Variants in MYH7B observed in about 807,000 individuals in gnomAD.
The protein encoded by MYH7B is myosin heavy chain 7B, also known as myosin-7B.
Under a neutral mutation model 234.5 loss-of-function variants are expected in MYH7B, and 205 were observed. The ratio of observed to expected loss-of-function variants is 0.87; its 90% CI spans 0.78 to 0.98. The LOEUF (loss-of-function observed/expected upper bound fraction) is 0.98. MYH7B is among the 50% of genes least tolerant of loss of function. The pLI is 0.00. For missense variants in MYH7B, 2,652 were observed against 2,633.4 expected, an observed-to-expected ratio of 1.01 and a Z score of -0.15; for synonymous variants, 1,193 against 1,105.0, an observed-to-expected ratio of 1.08 and a Z score of -1.58.
At position 34,999,746 on chromosome 20, in the gene MYH7B, G is replaced by T. The variant is rs1043952449; in HGVS notation, c.4666-45G>T. ...TGGACACTGACCTGCTGCTCCACTG[G>T]CCATCCCCCCCCCCCACCCTACCCT... On this transcript the variant is annotated intron_variant, in intron 37 of 44. Transcript: ENST00000262873. 3.2e-6 allele frequency: 5 copies of T among 1,551,118 alleles called. No individual in the cohort carries two copies. In the East Asian group the frequency reaches 7.1e-5, roughly 22 times the overall value.
intron 2 of MYH7B, among the ~76,000 whole-genome samples, chr20:34,968,167 T>A (rs1003441862): frequency 1.3e-5 from 2 of 152,126 alleles, no homozygotes; most frequent in African/African-American, 4.8e-5. Context: ...GTTACGTAAC[T>A]TGCCCAGGGT....
rs2082392735 is a variant in MYH7B, at chr20:35,001,825, A to G, written c.5677-123A>G. Reference sequence around the variant, plus strand: ...CCCGCTGTGGTATTGGTGAGGATGGACAGTGGCAATAGGAACAAAGTTGAG... The same window carrying G: ...CCCGCTGTGGTATTGGTGAGGATGGGCAGTGGCAATAGGAACAAAGTTGAG... On this transcript the variant is annotated intron_variant, in intron 43 of 44. Transcript: ENST00000262873. 5 of 1,422,984 alleles carry G rather than the reference A, an allele frequency of 3.5e-6. No individual in the cohort carries two copies. In the South Asian group the frequency reaches 6.8e-5, roughly 19 times the overall value. 88.1% of individuals were successfully genotyped at this position (1,422,984 alleles called of 1,614,324 possible).
chr20:34,988,174 A>AGCAGG lies in MYH7B; in HGVS notation c.1500_1504dup (p.Glu502GlyfsTer106). 6.2e-7 allele frequency: 1 copy of AGCAGG among 1,614,168 alleles called. No individual in the cohort carries two copies. Among genetic ancestry groups the AGCAGG allele is most frequent in the South Asian group, 1.1e-5 (1 of 91,078 alleles). On this transcript the variant is annotated frameshift_variant, in exon 19 of 45. Coordinates refer to ENST00000262873, the Ensembl canonical transcript of MYH7B. LOFTEE classifies it high-confidence loss of function. The stretch of plus-strand genomic sequence containing the variant: ...TTCAACCAGCACATGTTTGTGCTGG[A>AGCAGG]GCAGGAGGAGTACAAGCGGGAGGGC...
chr20:34,986,883 C>T lies in MYH7B; in HGVS notation c.905-3C>T. On this transcript the variant is annotated splice_region_variant and splice_polypyrimidine_tract_variant and intron_variant, in intron 14 of 44. Coordinates refer to ENST00000262873, the Ensembl canonical transcript of MYH7B. ...CCCTCCCTTCTCTGCCCTGTGTCCC[C>T]AGACATGCTGCTTCTGTCTATGAAC... 1 of 1,612,686 alleles carries T rather than the reference C, an allele frequency of 6.2e-7. No homozygotes were observed. The highest frequency in any genetic ancestry group is 8.5e-7 in the Non-Finnish European group (1 of 1,178,716).
chr20:34,999,016 T>C, intron 35 of MYH7B, 40 bp from the exon 36 acceptor site: 1 of 1,585,944 alleles, frequency 6.3e-7, no homozygotes, highest in Non-Finnish European at 8.6e-7. Context: ...CTGTTCTCCC[T>C]CCTTCCATGG....
rs202049379 is a variant in MYH7B at position 34,987,286 on chromosome 20, G to A, written c.1146G>A (p.Glu382=). 574 of 1,610,460 alleles carry A rather than the reference G, an allele frequency of 3.6e-4. No homozygotes were observed. Among genetic ancestry groups the A allele is most frequent in the Non-Finnish European group, 4.6e-4 (538 of 1,179,924 alleles). Reference sequence around the variant, plus strand: ...AGCAGGCGGAGGCCGATGGCACTGAGAGTGAGGGGCCCTAACCTGGCCTTC... The same window carrying A: ...AGCAGGCGGAGGCCGATGGCACTGAAAGTGAGGGGCCCTAACCTGGCCTTC... Residue 382 remains glutamate, a splice_region_variant and synonymous_variant, in exon 16 of 45, where the codon GAG becomes GAA. Coordinates refer to ENST00000262873, the Ensembl canonical transcript of MYH7B.
chr20:34,990,700 C>T, intron 22 of MYH7B, 38 bp from the exon 23 acceptor site: 1 of 1,596,854 alleles, frequency 6.3e-7, no homozygotes, highest in Non-Finnish European at 8.6e-7. Context: ...GGTTCTCTGC[C>T]CCCTTTGTGC....
exon 38 of MYH7B, chr20:34,999,819 C>A: frequency 6.2e-7 from 1 of 1,611,000 alleles, no homozygotes; most frequent in South Asian, 1.1e-5. Flanking sequence ...GAGACCAAGA[C>A]GCTGCGGATC....
intron 2 of MYH7B, among the ~76,000 whole-genome samples, chr20:34,959,258 C>T (rs1167630742): frequency 6.6e-6 from 1 of 152,136 alleles, no homozygotes; most frequent in Non-Finnish European, 1.5e-5. Context: ...GGGGAACTTG[C>T]CCAGGGTCTT....
exon 17 of MYH7B, chr20:34,987,585 G>T (rs750679198): frequency 5.0e-6 from 8 of 1,613,908 alleles, no homozygotes; most frequent in Non-Finnish European, 6.8e-6. Context: ...ACCTGATGGG[G>T]GTCAGCAGTG....
In MYH7B at chr20:34,997,346, G is replaced by C. The variant is rs1408743909; in HGVS notation, c.3453G>C (p.Glu1151Asp). ...GTGCAGAGGCGGCGCGGGAGCTGGA[G>C]GAGCTGAGCGAGCGGCTGGAGGAGG... is the stretch of plus-strand genomic sequence containing the variant. The change falls in exon 32 of 45, where the codon GAG becomes GAC. Residue 1151 changes from glutamate (E) to aspartate (D), a missense_variant. Around this residue, in one of 3 missense-constraint regions of MYH7B, gnomAD observed 2,279 missense variants for 2,211.4 expected, o/e 1.03. Coordinates refer to ENST00000262873, the Ensembl canonical transcript of MYH7B. 1.4e-5 allele frequency: 22 copies of C among 1,540,140 alleles called. No homozygotes were observed. The highest frequency in any genetic ancestry group is 1.7e-5 in the Non-Finnish European group (20 of 1,145,386).
intron 2 of MYH7B, among the ~76,000 whole-genome samples, chr20:34,973,807 G>C (rs1479610348): frequency 1.3e-5 from 2 of 152,178 alleles, no homozygotes; most frequent in African/African-American, 4.8e-5. Flanking sequence ...GCCCAGGCTG[G>C]AGTGCAGTGG....
chr20:34,986,068 G>C, intron 13 of MYH7B, 32 bp from the exon 14 acceptor site: 2 of 1,534,660 alleles, frequency 1.3e-6, no homozygotes, highest in Admixed American at 1.9e-5. Flanking sequence ...GGGAGGTGTG[G>C]GAGATGGCAG....
chr20:35,001,884 G>A (rs1230197635), intron 43 of MYH7B, 64 bp from the exon 44 acceptor site: 1 of 1,567,362 alleles, frequency 6.4e-7, no homozygotes, highest in East Asian at 2.3e-5. Flanking sequence ...CTTGGACTGG[G>A]GCAGGGACCA....
exon 16 of MYH7B, chr20:34,987,229 C>T: frequency 6.2e-7 from 1 of 1,612,246 alleles, no homozygotes; most frequent in Non-Finnish European, 8.5e-7. Context: ...TGCACTTTGG[C>T]AACATGAAGT....
chr20:34,985,825 A>G (rs1284043506), intron 13 of MYH7B, among the ~76,000 whole-genome samples: 2 of 152,080 alleles, frequency 1.3e-5, no homozygotes, highest in Non-Finnish European at 2.9e-5. Context: ...ACACCAACAG[A>G]TAAAAACCTG....
chr20:34,978,911 C>G (rs1157734862), intron 5 of MYH7B, among the ~76,000 whole-genome samples: 4 of 152,098 alleles, frequency 2.6e-5, no homozygotes, highest in Non-Finnish European at 5.9e-5. Context: ...CTGGGCTCCT[C>G]AAAGCTCTGG....
At chr20:34,959,610 T>G (rs2147146919) in intron 2 of MYH7B, among the ~76,000 whole-genome samples, 1 of 152,110 alleles carries the variant, frequency 6.6e-6, no homozygotes, top group African/African-American at 2.4e-5. Context: ...CCCGAGTAGC[T>G]GGGATTACAG....
Position 34,988,208 on chromosome 20 carries a change from G to A in MYH7B, c.1533G>A (p.Trp511Ter), listed in dbSNP as rs1241186894. Reference sequence around the variant, plus strand: ...AGTACAAGCGGGAGGGCATCGACTGGGTCTTCATCGACTTCGGCCTTGACC... The same window carrying A: ...AGTACAAGCGGGAGGGCATCGACTGAGTCTTCATCGACTTCGGCCTTGACC... Residue 511 changes from tryptophan (W) to a stop codon, truncating the protein, a stop_gained, in exon 19 of 45, where the codon TGG (tryptophan) becomes TGA (stop). Transcript: ENST00000262873. LOFTEE classifies it high-confidence loss of function. The A allele has an allele frequency of 1.3e-5, 21 of 1,614,030 alleles. No individual in the cohort carries two copies. Among genetic ancestry groups the A allele is most frequent in the Admixed American group, 1.7e-5 (1 of 60,010 alleles).
Sources: allele counts gnomAD v4.1 joint callset (sites outside exome capture counted in the v4.1 genomes callset), GRCh38; gene constraint gnomAD v4.1.1; regional missense constraint gnomAD v4.1.1; transcripts MANE v1.5; gene names NCBI Gene and HGNC (gene_info 2026-07-23, HGNC 2026-07-21).